CEP135: variants seen among roughly 807,000 people sequenced by gnomAD.
The protein encoded by CEP135 is centrosomal protein of 135 kDa.
CEP135 carries 142 observed loss-of-function variants against 157.3 expected under a neutral mutation model. The ratio of observed to expected loss-of-function variants is 0.90; its 90% CI spans 0.79 to 1.04. CEP135 has a LOEUF of 1.04. Among genes scored for constraint, CEP135 ranks in the 50% least tolerant of loss-of-function variants. CEP135 has a pLI of 0.00. For missense variants in CEP135, 1,317 were observed against 1,309.2 expected (o/e 1.01, Z -0.09); for synonymous variants, 396 against 439.8 (o/e 0.90, Z 1.25).
At position 55,985,329 on chromosome 4, in the gene CEP135, A is replaced by G. The variant is rs1729542520; in HGVS notation, c.1828A>G (p.Ile610Val). 4.4e-6 allele frequency: 7 copies of G among 1,595,762 alleles called. No individual in the cohort carries two copies. Among genetic ancestry groups the G allele is most frequent in the Non-Finnish European group, 6.0e-6 (7 of 1,164,704 alleles). The stretch of plus-strand genomic sequence containing the variant: ...TGGAAAATCAGAATTAGAGAAAACT[A>G]TTGAACATTTGACATGTGTTAATCA... ...LFGKSELEKT[I>V]EHLTCVNHQL... The change falls in exon 14 of 26, where the codon ATT becomes GTT. Residue 610 changes from isoleucine (I) to valine (V), a missense_variant. Transcript: ENST00000257287.
At chr4:55,959,158 T>A (rs1218236811) in intron 5 of CEP135, among the ~76,000 whole-genome samples, 1 of 152,244 alleles carries the variant, frequency 6.6e-6, no homozygotes, top group East Asian at 1.9e-4. Context: ...TATGTCATAA[T>A]GTACCTGAAC....
intron 15 of CEP135, among the ~76,000 whole-genome samples, chr4:55,992,815 G>T (rs1358969766): frequency 6.6e-6 from 1 of 152,186 alleles, no homozygotes; most frequent in African/African-American, 2.4e-5. Context: ...TTGTTGGTTA[G>T]TCATTAATTA....
chr4:55,950,723 A>G (rs149336821), intron 1 of CEP135, among the ~76,000 whole-genome samples: 1 of 152,278 alleles, frequency 6.6e-6, no homozygotes, highest in East Asian at 1.9e-4. Flanking sequence ...TTAAAAAGAC[A>G]AAGATAAAAA....
At chr4:56,012,143 C>T (rs1730610341) in intron 21 of CEP135, among the ~76,000 whole-genome samples, 158 bp downstream of exon 21, 1 of 152,122 alleles carries the variant, frequency 6.6e-6, no homozygotes, top group South Asian at 2.1e-4. Flanking sequence ...CTGCACCCAC[C>T]TCCTGGGTTC....
At chr4:55,969,192 G>A (rs1464226384) in intron 9 of CEP135, 64 bp downstream of exon 9, 2 of 1,386,466 alleles carry the variant, frequency 1.4e-6, no homozygotes, top group Middle Eastern at 2.0e-4. Context: ...GGAGACTGAG[G>A]TGGGTTTATC....
At position 56,024,512 on chromosome 4, in the gene CEP135, T is replaced by C; in HGVS notation, c.3332T>C (p.Ile1111Thr). ...ATCTTTACTAACAGAGAACGAGCAA[T>C]CCAAGAGATGCGTCGACATGGTCTT... Reference protein sequence around the residue: ...STERYERERAIQEMRRHGLAT... With the variant: ...STERYERERATQEMRRHGLAT... The change falls in exon 25 of 26, where the codon ATC becomes ACC. Residue 1111 changes from isoleucine (I) to threonine (T), a missense_variant. Transcript: ENST00000257287. The C allele has an allele frequency of 6.2e-7, 1 of 1,613,440 alleles. No individual in the cohort carries two copies. The highest frequency in any genetic ancestry group is 8.5e-7 in the Non-Finnish European group (1 of 1,179,478).
chr4:55,954,274 T>A lies in CEP135; in HGVS notation c.363T>A (p.Asn121Lys), dbSNP rs766775517. ...ARETADLKFL[N>K]NQYAHKLKLL... ...AAACAGCTGATCTGAAATTTCTGAA[T>A]AACCAATATGCTCATAAACTCAAAC... Residue 121 changes from asparagine (N) to lysine (K), a missense_variant, in exon 4 of 26, where the codon AAT becomes AAA. Transcript: ENST00000257287. 1 of 1,606,582 alleles carries A rather than the reference T, an allele frequency of 6.2e-7. No homozygotes were observed. The highest frequency in any genetic ancestry group is 1.1e-5 in the South Asian group (1 of 89,406).
At chr4:55,996,545 C>G (rs1189775447) in intron 15 of CEP135, among the ~76,000 whole-genome samples, 3 of 152,114 alleles carry the variant, frequency 2.0e-5, no homozygotes, top group South Asian at 2.1e-4. Context: ...CCACTAGTTA[C>G]AACCATCATC....
At position 56,019,313 on chromosome 4, in the gene CEP135, AAAATTGTACTG is replaced by A. The variant is rs758694425; in HGVS notation, c.3013-37_3013-27del. The A allele has an allele frequency of 4.0e-6, 6 of 1,495,406 alleles. No individual in the cohort carries two copies. The South Asian group carries it at 7.5e-5, about 19-fold the overall frequency. 92.6% of individuals were successfully genotyped at this position (1,495,406 alleles called of 1,614,324 possible). A position where few individuals can be genotyped will look rare whatever the true frequency, so the allele number is the denominator to read the frequency against. On this transcript the variant is annotated intron_variant, in intron 22 of 25. Coordinates refer to ENST00000257287, the MANE Select transcript of CEP135 (RefSeq NM_025009.5). ...TAAATAATTTTTTCAGAGTAAGTTT[AAAATTGTACTG>A]AAGTAATCTTACTTTGTTTTTCACG...
chr4:56,008,341 T>C lies in CEP135; in HGVS notation c.2295T>C (p.Ala765=). 2 of 1,609,596 alleles carry C rather than the reference T, an allele frequency of 1.2e-6. No individual in the cohort carries two copies. The highest frequency in any genetic ancestry group is 1.7e-6 in the Non-Finnish European group (2 of 1,178,138). The change falls in exon 18 of 26, where the codon GCT becomes GCC. Residue 765 remains alanine, a synonymous_variant. Transcript: ENST00000257287. ...AATTTCTATAGGAAAAAGCTGTTGC[T>C]CAAATGAAGATAATGATCTCAGAGT... ...ENLANKEKAV[A]QMKIMISECE...
chr4:55,966,994 T>A (rs867369382), intron 8 of CEP135, among the ~76,000 whole-genome samples: 58 of 152,196 alleles, frequency 3.8e-4, no homozygotes, highest in African/African-American at 1.3e-3. Flanking sequence ...TCCTTGAAAT[T>A]TCCATAGAAT....
intron 15 of CEP135, 64 bp from the exon 16 acceptor site, chr4:55,999,238 T>C: frequency 7.8e-7 from 1 of 1,286,936 alleles, no homozygotes; most frequent in Non-Finnish European, 1.1e-6. Flanking sequence ...AGAAATCTCA[T>C]TTTTTAAACG....
chr4:56,009,134 T>C (rs1324247949), intron 18 of CEP135, among the ~76,000 whole-genome samples: 1 of 152,174 alleles, frequency 6.6e-6, no homozygotes, highest in Admixed American at 6.5e-5. Context: ...ACTCCTGGGC[T>C]CAAGCTATTC....
intron 4 of CEP135, among the ~76,000 whole-genome samples, chr4:55,955,509 GATGGAC>G (rs1230681912): frequency 6.6e-6 from 1 of 152,142 alleles, no homozygotes; most frequent in African/African-American, 2.4e-5. Flanking sequence ...AAATGAGATA[GATGGAC>G]ATGGGGACTG....
At chr4:55,981,803 C>T (rs778753912) in intron 13 of CEP135, among the ~76,000 whole-genome samples, 1 of 152,128 alleles carries the variant, frequency 6.6e-6, no homozygotes, top group Non-Finnish European at 1.5e-5. Context: ...CATAGATGCT[C>T]TTTGACTTAC....
intron 13 of CEP135, among the ~76,000 whole-genome samples, chr4:55,982,891 C>T (rs1221732730): frequency 6.6e-6 from 1 of 151,968 alleles, no homozygotes; most frequent in African/African-American, 2.4e-5. Context: ...ACATATAAAG[C>T]ACTTAACAAT....
chr4:55,988,780 AC>A (rs1322103452), intron 14 of CEP135, among the ~76,000 whole-genome samples: 1 of 148,410 alleles, frequency 6.7e-6, no homozygotes, highest in Non-Finnish European at 1.5e-5. Context: ...ACACGGTGAA[AC>A]CCCGTCTCTA....
chr4:56,022,243 C>T (rs1245958579), intron 24 of CEP135, among the ~76,000 whole-genome samples: 6 of 152,176 alleles, frequency 3.9e-5, no homozygotes, highest in Admixed American at 2.6e-4. Context: ...GACTTCCCCA[C>T]AGTTCCTCCC....
intron 1 of CEP135, among the ~76,000 whole-genome samples, chr4:55,949,272 C>A (rs1728276016): frequency 6.6e-6 from 1 of 152,026 alleles, no homozygotes; most frequent in African/African-American, 2.4e-5. Flanking sequence ...CAACACCCGA[C>A]GGTAAAGTTG....
Sources: allele counts gnomAD v4.1 joint callset (sites outside exome capture counted in the v4.1 genomes callset), GRCh38; gene constraint gnomAD v4.1.1; transcripts MANE v1.5; gene names NCBI Gene and HGNC (gene_info 2026-07-23, HGNC 2026-07-21).